Variants in FGD4 observed in about 807,000 individuals in gnomAD.
FGD4 encodes the protein FYVE, RhoGEF and PH domain containing 4.
A neutral mutation model predicts 102.0 loss-of-function variants in FGD4; 42 were observed. The observed-to-expected ratio is 0.41, with a 90% CI of 0.32 to 0.53. FGD4 has a LOEUF of 0.53. Ranked by LOEUF, FGD4 falls within the 20% of genes least tolerant of loss-of-function variation. FGD4 has a pLI of 0.21. For missense variants in FGD4, 902 were observed against 1,078.2 expected (o/e 0.84, Z 2.29); for synonymous variants, 380 against 375.7 (o/e 1.01, Z -0.13).
intron 1 of FGD4, among the ~76,000 whole-genome samples, chr12:32,513,641 T>C (rs1430073433): frequency 6.6e-6 from 1 of 152,086 alleles, no homozygotes; most frequent in African/African-American, 2.4e-5. Context: ...AGAGAAGGAA[T>C]TGAGAAATTG....
At chr12:32,430,697 C>A (rs1040252801) in intron 1 of FGD4, among the ~76,000 whole-genome samples, 11 of 151,980 alleles carry the variant, frequency 7.2e-5, no homozygotes, top group Admixed American at 2.6e-4. Flanking sequence ...GAGAATTTTT[C>A]TAAGAGAATT....
chr12:32,638,978 T>C (rs896764728), intron 16 of FGD4, 183 bp downstream of exon 16: 50 of 1,437,790 alleles, frequency 3.5e-5, no homozygotes, highest in Non-Finnish European at 4.6e-5. Context: ...TTATAGCCTA[T>C]ATTTTCTTCA....
chr12:32,518,098 G>A (rs547305717), intron 1 of FGD4, among the ~76,000 whole-genome samples: 7 of 152,182 alleles, frequency 4.6e-5, no homozygotes, highest in African/African-American at 7.2e-5. Flanking sequence ...CAGGATTGAC[G>A]TGTGTAGACA....
At chr12:32,588,855 T>G (rs1232543772) in intron 4 of FGD4, among the ~76,000 whole-genome samples, 2 of 152,160 alleles carry the variant, frequency 1.3e-5, no homozygotes, top group Non-Finnish European at 2.9e-5. Flanking sequence ...GGTCACAGCG[T>G]GTAGAAAGAC....
At chr12:32,603,489 T>C (rs1391621406) in intron 7 of FGD4, among the ~76,000 whole-genome samples, 1 of 151,828 alleles carries the variant, frequency 6.6e-6, no homozygotes, top group Admixed American at 6.6e-5. Flanking sequence ...CTGGGTTTAC[T>C]TAGCCATTCT....
chr12:32,412,755 T>G (rs1402424059), intron 1 of FGD4, among the ~76,000 whole-genome samples: 1 of 152,066 alleles, frequency 6.6e-6, no homozygotes, highest in Non-Finnish European at 1.5e-5. Context: ...TAATTTTTTG[T>G]ATTTTTTGTA....
At chr12:32,408,932 G>T (rs989246718) in intron 1 of FGD4, among the ~76,000 whole-genome samples, 1 of 151,984 alleles carries the variant, frequency 6.6e-6, no homozygotes, top group African/African-American at 2.4e-5. Flanking sequence ...TTCATTGGGG[G>T]TCCCATCTGC....
At chr12:32,583,932 T>C (rs747123100) in intron 4 of FGD4, among the ~76,000 whole-genome samples, 1 of 152,194 alleles carries the variant, frequency 6.6e-6, no homozygotes, top group East Asian at 1.9e-4. Flanking sequence ...CTCCAACAAG[T>C]ATATATAAAA....
At chr12:32,490,399 CTT>C (rs3077004) in intron 1 of FGD4, among the ~76,000 whole-genome samples, 12 of 130,890 alleles carry the variant, frequency 9.2e-5, no homozygotes, top group Admixed American at 2.4e-4. Context: ...TTTTATCAGT[CTT>C]TTTTTTTTTT....
rs374139685 is a variant in FGD4 at position 32,625,269 on chromosome 12, C to CT, written c.2046+221dup. 0.3 allele frequency among the ~76,000 whole-genome samples: 35,518 copies of CT among 119,796 alleles called. 5,417 individuals carry two copies. The highest frequency in any genetic ancestry group is 0.4 in the South Asian group (1,450 of 3,626). 78.6% of individuals were successfully genotyped at this position (119,796 alleles called of 152,430 possible). On this transcript the variant is annotated intron_variant, in intron 13 of 16. Coordinates refer to ENST00000534526, the MANE Select transcript of FGD4 (RefSeq NM_001370298.3). ...TGAACTTCTTTGAATTTTTCTTATTCTTTTTTTTTTTTTTTTTTTTAACAG... is the reference window on the plus strand; with the variant it reads ...TGAACTTCTTTGAATTTTTCTTATTCTTTTTTTTTTTTTTTTTTTTTAACAG...
In FGD4 at chr12:32,610,358, C is replaced by T. The variant is rs182055573; in HGVS notation, c.1544-418C>T. Reference sequence around the variant, plus strand: ...TTTCAAAGTCTGAGTATAGAAGAAACTGAATTTTTGTTTACATTTTGGAGA... The same window carrying T: ...TTTCAAAGTCTGAGTATAGAAGAAATTGAATTTTTGTTTACATTTTGGAGA... On this transcript the variant is annotated intron_variant, in intron 8 of 16. Transcript: ENST00000534526. Among the ~76,000 whole-genome samples the T allele has an allele frequency of 1.8e-4, 28 of 152,280 alleles. No homozygotes were observed. In the East Asian group the frequency reaches 3.3e-3, roughly 18 times the overall value.
chr12:32,570,774 T>C (rs895118145), intron 2 of FGD4, among the ~76,000 whole-genome samples: 2 of 152,072 alleles, frequency 1.3e-5, no homozygotes, highest in Admixed American at 6.6e-5. Context: ...TTCTTCCTTA[T>C]AATACAAAAT....
chr12:32,597,031 A>G (rs1947959429), intron 4 of FGD4, among the ~76,000 whole-genome samples: 1 of 152,202 alleles, frequency 6.6e-6, no homozygotes, highest in African/African-American at 2.4e-5. Context: ...CATTAGAAAG[A>G]TTTCCACAAA....
intron 2 of FGD4, among the ~76,000 whole-genome samples, chr12:32,575,805 T>C (rs1946081115): frequency 6.6e-6 from 1 of 152,258 alleles, no homozygotes; most frequent in Admixed American, 6.5e-5. Flanking sequence ...TGTTGTTGTT[T>C]TGTTGGCTTT....
At chr12:32,538,283 G>C (rs1565817045) in intron 1 of FGD4, among the ~76,000 whole-genome samples, 1 of 152,130 alleles carries the variant, frequency 6.6e-6, no homozygotes, top group Non-Finnish European at 1.5e-5. Flanking sequence ...GGTCTAGAAA[G>C]GTAACTAATA....
At chr12:32,608,458 A>G (rs1180959185) in intron 8 of FGD4, among the ~76,000 whole-genome samples, 1 of 152,260 alleles carries the variant, frequency 6.6e-6, no homozygotes, top group Non-Finnish European at 1.5e-5. Context: ...GTTGGTGCAT[A>G]CCAAGAAAGC....
chr12:32,401,918 T>G (rs1178178883), intron 1 of FGD4, among the ~76,000 whole-genome samples: 1 of 148,520 alleles, frequency 6.7e-6, no homozygotes, highest in Non-Finnish European at 1.5e-5. Context: ...TTTTTTTTTT[T>G]TTGAGACGGA....
intron 1 of FGD4, among the ~76,000 whole-genome samples, chr12:32,452,488 C>A (rs1380414240): frequency 6.6e-6 from 1 of 152,180 alleles, no homozygotes; most frequent in Non-Finnish European, 1.5e-5. Context: ...AGTGATTAAT[C>A]TGAGTGTAGG....
chr12:32,631,425 A>T (rs1950492587), intron 14 of FGD4, among the ~76,000 whole-genome samples: 2 of 150,754 alleles, frequency 1.3e-5, no homozygotes, highest in South Asian at 4.2e-4. Context: ...GTTTTAGCTT[A>T]TTCTTCCTAT....
Sources: allele counts gnomAD v4.1 joint callset (sites outside exome capture counted in the v4.1 genomes callset), GRCh38; gene constraint gnomAD v4.1.1; transcripts MANE v1.5; gene names NCBI Gene and HGNC (gene_info 2026-07-23, HGNC 2026-07-21).